NFIA: variants seen among roughly 807,000 people sequenced by gnomAD.
NFIA encodes nuclear factor I A, also known as nuclear factor 1 A-type.
In NFIA, 8 loss-of-function variants were observed where a neutral mutation model predicts 62.8. The observed-to-expected ratio is 0.13, with a 90% CI of 0.07 to 0.23. The LOEUF (loss-of-function observed/expected upper bound fraction) is 0.23, where lower values mean the gene tolerates loss of function less well. NFIA is among the 10% of genes least tolerant of loss of function. NFIA has a pLI of 1.00. For synonymous variants in NFIA, 235 were observed against 238.1 expected (o/e 0.99, Z 0.12); for missense variants, 410 against 642.1 (o/e 0.64, Z 3.91).
intron 3 of NFIA, among the ~76,000 whole-genome samples, chr1:61,296,548 T>C (rs1570533825): frequency 6.6e-6 from 1 of 152,262 alleles, no homozygotes; most frequent in East Asian, 1.9e-4. Context: ...TAAGAGGAAA[T>C]ATTAGTGTCC....
intron 3 of NFIA, among the ~76,000 whole-genome samples, chr1:61,304,796 G>A (rs1282275521): frequency 3.9e-5 from 6 of 152,098 alleles, no homozygotes; most frequent in Admixed American, 2.6e-4. Flanking sequence ...GAACAATAAC[G>A]TGGCACCACC....
chr1:61,367,899 A>T (rs1663676925), intron 6 of NFIA, among the ~76,000 whole-genome samples: 1 of 151,216 alleles, frequency 6.6e-6, no homozygotes, highest in Non-Finnish European at 1.5e-5. Context: ...GCGACTTAGT[A>T]GCCATTCAAT....
At chr1:61,349,151 T>C (rs1662412881) in intron 4 of NFIA, among the ~76,000 whole-genome samples, 2 of 152,134 alleles carry the variant, frequency 1.3e-5, no homozygotes. Flanking sequence ...GCAAATAAAT[T>C]TAATATAAAA....
chr1:61,338,579 A>G (rs1482329994), intron 4 of NFIA, among the ~76,000 whole-genome samples: 3 of 152,236 alleles, frequency 2.0e-5, no homozygotes, highest in African/African-American at 7.2e-5. Flanking sequence ...ATTTAGTAAG[A>G]ACTATTGGCA....
intron 3 of NFIA, among the ~76,000 whole-genome samples, chr1:61,309,273 C>G (rs1361144467): frequency 2.7e-5 from 4 of 149,406 alleles, no homozygotes; most frequent in South Asian, 2.1e-4. Flanking sequence ...TCCTACGAAT[C>G]TTGGAGTCTT....
chr1:61,310,183 C>T (rs567105638), intron 3 of NFIA, among the ~76,000 whole-genome samples: 2 of 152,218 alleles, frequency 1.3e-5, no homozygotes, highest in African/African-American at 4.8e-5. Flanking sequence ...TGTGCTGGGC[C>T]GATGGCCACA....
intron 3 of NFIA, among the ~76,000 whole-genome samples, chr1:61,287,106 G>A (rs566494130): frequency 6.6e-6 from 1 of 152,260 alleles, no homozygotes; most frequent in Non-Finnish European, 1.5e-5. Context: ...ATGCACATAT[G>A]AGTCCATTCA....
At chr1:61,079,687 T>A (rs1162035870), upstream of NFIA, among the ~76,000 whole-genome samples, 1 of 152,238 alleles carries the variant, frequency 6.6e-6, no homozygotes, top group Non-Finnish European at 1.5e-5. Flanking sequence ...CACCTGCGTT[T>A]CCTCCACTGC....
intron 9 of NFIA, among the ~76,000 whole-genome samples, chr1:61,416,453 T>G (rs1480767346): frequency 2.0e-5 from 3 of 152,134 alleles, no homozygotes; most frequent in Admixed American, 6.6e-5. Context: ...AAAATAATAC[T>G]CTTTTCCCCC....
At chr1:61,273,164 G>T (rs537848205) in intron 2 of NFIA, among the ~76,000 whole-genome samples, 1 of 152,324 alleles carries the variant, frequency 6.6e-6, no homozygotes, top group South Asian at 2.1e-4. Context: ...CACAACAGCA[G>T]TTGTGAGGAT....
chr1:61,209,481 A>G (rs1162905430), intron 2 of NFIA, among the ~76,000 whole-genome samples: 1 of 152,174 alleles, frequency 6.6e-6, no homozygotes, highest in Non-Finnish European at 1.5e-5. Context: ...GATAGGCCCA[A>G]AATAAACAAA....
chr1:61,118,570 C>G (rs898329976), intron 2 of NFIA, among the ~76,000 whole-genome samples: 1 of 151,990 alleles, frequency 6.6e-6, no homozygotes, highest in Non-Finnish European at 1.5e-5. Flanking sequence ...AGAGGACCTG[C>G]TTTAGATGGG....
At chr1:61,214,764 T>C (rs1570394387) in intron 2 of NFIA, among the ~76,000 whole-genome samples, 1 of 152,196 alleles carries the variant, frequency 6.6e-6, no homozygotes, top group African/African-American at 2.4e-5. Flanking sequence ...ATATTTGACA[T>C]TATAGGAGAA....
chr1:61,211,403 A>G (rs1653248156), intron 2 of NFIA, among the ~76,000 whole-genome samples: 1 of 152,170 alleles, frequency 6.6e-6, no homozygotes, highest in South Asian at 2.1e-4. Context: ...AGTAATGATA[A>G]TATTTAAGTA....
intron 2 of NFIA, among the ~76,000 whole-genome samples, chr1:61,154,421 G>T (rs369966768): frequency 7.9e-5 from 12 of 152,156 alleles, no homozygotes; most frequent in Non-Finnish European, 1.3e-4. Flanking sequence ...CTCCCAAAGT[G>T]CTGGGATTAT....
At chr1:61,128,130 A>G (rs1173108196) in intron 2 of NFIA, among the ~76,000 whole-genome samples, 1 of 152,056 alleles carries the variant, frequency 6.6e-6, no homozygotes, top group African/African-American at 2.4e-5. Context: ...TTATTCAATA[A>G]TGTAGACGTG....
chr1:61,244,763 A>G (rs992826344), intron 2 of NFIA, among the ~76,000 whole-genome samples: 1 of 152,192 alleles, frequency 6.6e-6, no homozygotes, highest in African/African-American at 2.4e-5. Context: ...TCCTCAAACA[A>G]AAGAGTATCA....
chr1:61,112,666 A>G (rs1032101815), intron 2 of NFIA, among the ~76,000 whole-genome samples: 2 of 152,230 alleles, frequency 1.3e-5, no homozygotes, highest in African/African-American at 4.8e-5. Flanking sequence ...TGGCCACCCA[A>G]TTGCCATTAG....
intron 9 of NFIA, among the ~76,000 whole-genome samples, chr1:61,421,052 A>G (rs2100546858): frequency 6.6e-6 from 1 of 152,194 alleles, no homozygotes; most frequent in East Asian, 1.9e-4. Context: ...TGGTGGCCTC[A>G]GTCCACTGGA....
Sources: allele counts gnomAD v4.1 joint callset (sites outside exome capture counted in the v4.1 genomes callset), GRCh38; gene constraint gnomAD v4.1.1; transcripts MANE v1.5; gene names NCBI Gene and HGNC (gene_info 2026-07-23, HGNC 2026-07-21).